Variants in DMD observed in about 807,000 individuals in gnomAD.
The protein encoded by DMD is mutant dystrophin.
A neutral mutation model predicts 330.1 loss-of-function variants in DMD; 63 were observed. That is an observed-to-expected ratio of 0.19 (90% CI 0.16 to 0.24). The LOEUF is 0.24. Among genes scored for constraint, DMD ranks in the 10% least tolerant of loss-of-function variants. DMD has a pLI of 1.00. For synonymous variants in DMD, 1,223 were observed against 959.8 expected (o/e 1.27, Z -5.07); for missense variants, 3,344 against 2,684.1 (o/e 1.25, Z -5.43).
intron 7 of DMD, among the ~76,000 whole-genome samples, chrX:32,786,863 C>A (rs1030772205): frequency 9.0e-6 from 1 of 111,636 alleles, no homozygotes; most frequent in Non-Finnish European, 1.9e-5. Flanking sequence ...GTCTCTACCT[C>A]CTAGAGTTTT....
intron 1 of DMD, among the ~76,000 whole-genome samples, chrX:33,143,159 GT>G (rs2047878179): frequency 9.0e-6 from 1 of 111,189 alleles, no homozygotes; most frequent in African/African-American, 3.3e-5. Context: ...ATGTATTTTA[GT>G]TTTTCTTTAA....
chrX:32,684,041 A>AC (rs2062661854), intron 9 of DMD, among the ~76,000 whole-genome samples: 2 of 103,249 alleles, frequency 1.9e-5, no homozygotes, highest in South Asian at 8.1e-4. Flanking sequence ...ACACACACAC[A>AC]CACACACACA....
intron 1 of DMD, among the ~76,000 whole-genome samples, chrX:33,227,069 G>T (rs1022300758): frequency 9.2e-6 from 1 of 108,857 alleles, no homozygotes; most frequent in African/African-American, 3.3e-5. Context: ...CAGAATTCTG[G>T]GTATCGTTTA....
chrX:32,191,712 C>T (rs2096976893), intron 44 of DMD, among the ~76,000 whole-genome samples: 1 of 111,813 alleles, frequency 8.9e-6, no homozygotes, highest in Non-Finnish European at 1.9e-5. Flanking sequence ...ACAACCTACA[C>T]ACATCCTCCT....
At chrX:31,669,384 A>G (rs2081614502) in intron 53 of DMD, among the ~76,000 whole-genome samples, 1 of 112,214 alleles carries the variant, frequency 8.9e-6, no homozygotes, top group Non-Finnish European at 1.9e-5. Flanking sequence ...ATTTTTCACA[A>G]ACCCGTTAGC....
chrX:31,789,793 T>C (rs1029144927), intron 50 of DMD, among the ~76,000 whole-genome samples: 7 of 111,664 alleles, frequency 6.3e-5, no homozygotes, highest in East Asian at 2.8e-4. Context: ...ACAAAATCTC[T>C]AGCTTATTGC....
rs760993033 is a variant in DMD at position 32,340,306 on chromosome X, T to C, written c.5922+1794A>G. 4.2e-3 allele frequency among the ~76,000 whole-genome samples: 465 copies of C among 112,018 alleles called. 3 individuals are homozygous for C. The highest frequency in any genetic ancestry group is 0.014 in the African/African-American group (442 of 30,891). The stretch of plus-strand genomic sequence containing the variant: ...AAAATAGCCCCCTTCACATTCTGAA[T>C]TTTGGATCTTTAATATATAAAACTT... On this transcript the variant is annotated intron_variant, in intron 41 of 78. Transcript: ENST00000357033.
At chrX:32,076,601 G>A (rs919941231) in intron 44 of DMD, among the ~76,000 whole-genome samples, 2 of 110,456 alleles carry the variant, frequency 1.8e-5, no homozygotes, top group African/African-American at 6.6e-5. Flanking sequence ...GGATGGTCTC[G>A]ATCTCTTGAC....
intron 55 of DMD, among the ~76,000 whole-genome samples, chrX:31,607,636 T>C (rs2077679258): frequency 8.9e-6 from 1 of 112,313 alleles, no homozygotes; most frequent in Non-Finnish European, 1.9e-5. Flanking sequence ...TAGGCCAAAA[T>C]GCAGAGGAAA....
intron 44 of DMD, among the ~76,000 whole-genome samples, chrX:32,020,973 A>C (rs911251523): frequency 2.7e-5 from 3 of 112,349 alleles, no homozygotes; most frequent in African/African-American, 9.7e-5. Flanking sequence ...TGGATCACTT[A>C]CATAGCAAAT....
At chrX:31,181,920 C>A (rs1293952803) in intron 68 of DMD, among the ~76,000 whole-genome samples, 1 of 112,014 alleles carries the variant, frequency 8.9e-6, no homozygotes, top group Non-Finnish European at 1.9e-5. Flanking sequence ...CATTTAAGGA[C>A]ATCGCAGTTT....
chrX:32,050,987 T>TTTTTTTTTTTTTTTTTTTTTTTTTTG (rs1491256522), intron 44 of DMD, among the ~76,000 whole-genome samples: 1 of 99,261 alleles, frequency 1.0e-5, no homozygotes, highest in African/African-American at 3.9e-5. Context: ...TTTTTTTTTT[T>TTTTTTTTTTTTTTTTTTTTTTTTTTG]CCCCCTAATA....
At chrX:31,622,877 T>TATATATACACACAC (rs1361969125) in intron 55 of DMD, among the ~76,000 whole-genome samples, 1 of 70,327 alleles carries the variant, frequency 1.4e-5, no homozygotes, top group African/African-American at 5.3e-5. Context: ...TATATATATA[T>TATATATACACACAC]ACACACACAC....
At chrX:32,649,411 G>A (rs570523085) in intron 9 of DMD, among the ~76,000 whole-genome samples, 2 of 109,000 alleles carry the variant, frequency 1.8e-5, no homozygotes, top group African/African-American at 3.4e-5. Context: ...AAAATTAGCC[G>A]GGCGCGGTGG....
chrX:32,827,158 A>G (rs1223804458), intron 4 of DMD, among the ~76,000 whole-genome samples: 1 of 108,484 alleles, frequency 9.2e-6, no homozygotes, highest in African/African-American at 3.4e-5. Context: ...TCCACAGGAA[A>G]AACAATTAGG....
At chrX:32,407,351 T>C (rs1303229887) in intron 30 of DMD, among the ~76,000 whole-genome samples, 6 of 111,899 alleles carry the variant, frequency 5.4e-5, no homozygotes, top group Admixed American at 3.8e-4. Context: ...AAGACATTTA[T>C]GCAGCCAAAA....
intron 2 of DMD, among the ~76,000 whole-genome samples, chrX:32,876,170 A>G (rs2083362186): frequency 9.0e-6 from 1 of 111,619 alleles, no homozygotes; most frequent in Admixed American, 9.5e-5. Flanking sequence ...ACCATATCCA[A>G]TGATACCACC....
intron 60 of DMD, among the ~76,000 whole-genome samples, chrX:31,426,981 C>T (rs1044159032): frequency 8.9e-6 from 1 of 112,026 alleles, no homozygotes; most frequent in Non-Finnish European, 1.9e-5. Context: ...AACTTTCTGT[C>T]CCTTGTTTAC....
chrX:32,316,456 T>C (rs1393709855), intron 41 of DMD, among the ~76,000 whole-genome samples: 1 of 111,490 alleles, frequency 9.0e-6, no homozygotes, highest in Non-Finnish European at 1.9e-5. Context: ...TTTAAATATA[T>C]TTAATGAAGA....
Sources: allele counts gnomAD v4.1 joint callset (sites outside exome capture counted in the v4.1 genomes callset), GRCh38; gene constraint gnomAD v4.1.1; transcripts MANE v1.5; gene names NCBI Gene and HGNC (gene_info 2026-07-23, HGNC 2026-07-21).